RIPK1: variants seen among roughly 807,000 people sequenced by gnomAD.
RIPK1 encodes the protein receptor interacting serine/threonine kinase 1, also known as receptor-interacting serine/threonine-protein kinase 1.
In RIPK1, 27 loss-of-function variants were observed where a neutral mutation model predicts 62.4. That is an observed-to-expected ratio of 0.43 (90% confidence interval 0.32 to 0.60). The LOEUF (loss-of-function observed/expected upper bound fraction) is 0.60, where lower values mean the gene tolerates loss of function less well. Among genes scored for constraint, RIPK1 ranks in the 20% least tolerant of loss-of-function variants. RIPK1 has a pLI of 0.07. For synonymous variants in RIPK1, 287 were observed against 303.2 expected, an observed-to-expected ratio of 0.95 and a Z score of 0.55; for missense variants, 735 against 831.0, an observed-to-expected ratio of 0.88 and a Z score of 1.42.
At chr6:3,069,527 C>T (rs545695264) in intron 1 of RIPK1, among the ~76,000 whole-genome samples, 2 of 152,282 alleles carry the variant, frequency 1.3e-5, no homozygotes, top group South Asian at 4.1e-4. Flanking sequence ...TTTGGCTCTC[C>T]CTTAATCAGA....
In RIPK1 at chr6:3,094,784, C is replaced by T. The variant is rs532068251; in HGVS notation, c.915+5127C>T. 1.8e-4 allele frequency among the ~76,000 whole-genome samples: 27 copies of T among 152,114 alleles called. No individual in the cohort carries two copies. In the South Asian group the frequency reaches 5.6e-3, roughly 32 times the overall value. On this transcript the variant is annotated intron_variant, in intron 7 of 10. Transcript: ENST00000259808. ...GGCTAATACAATAGACTAATTAAGA[C>T]TGATAGAGCCAGGTGTGAGGTAATC...
At chr6:3,074,826 C>T (rs774036415) in intron 1 of RIPK1, among the ~76,000 whole-genome samples, 10 of 152,084 alleles carry the variant, frequency 6.6e-5, no homozygotes, top group South Asian at 2.1e-4. Flanking sequence ...GGATTAGAGG[C>T]GCGTGCCACC....
rs59069498 is a variant in RIPK1, at chr6:3,072,404, T to TAA, written c.-61+3746_-61+3747dup. ...TTATCTATTTACATATATATATATA[T>TAA]AAAACACACACAAATGTGAATATAA... On this transcript the variant is annotated intron_variant, in intron 1 of 10. Transcript: ENST00000259808. This position sits in a 1 kb window ranked among gnomAD's most constrained non-coding sequence, Gnocchi z 5.6. Among the ~76,000 whole-genome samples the TAA allele has an allele frequency of 3.4e-5, 5 of 145,816 alleles. No individual in the cohort carries two copies. The highest frequency in any genetic ancestry group is 1.3e-4 in the African/African-American group (5 of 39,980).
rs571306996 is a variant in RIPK1 at position 3,073,153 on chromosome 6, CAT to C, written c.-60-3609_-60-3608del. Among the ~76,000 whole-genome samples, 261 of 151,832 alleles carry C rather than the reference CAT, an allele frequency of 1.7e-3. 1 individual carries two copies. Among genetic ancestry groups the C allele is most frequent in the Non-Finnish European group, 2.9e-3 (195 of 67,974 alleles). On this transcript the variant is annotated intron_variant, in intron 1 of 10. Transcript: ENST00000259808. ...AAATATATACATATACGTATATACACATAGACAAATATAGCTATATATCTACA... is the reference window on the plus strand; with the variant it reads ...AAATATATACATATACGTATATACACAGACAAATATAGCTATATATCTACA...
chr6:3,085,814 G>A (rs982576946), intron 6 of RIPK1, among the ~76,000 whole-genome samples: 4 of 20,678 alleles, frequency 1.9e-4, no homozygotes, highest in African/African-American at 3.6e-4. Flanking sequence ...TGCACTGGGT[G>A]CCTTATATAT....
chr6:3,081,146 G>T, intron 4 of RIPK1, 30 bp downstream of exon 4: 7 of 1,606,258 alleles, frequency 4.4e-6, no homozygotes, highest in Non-Finnish European at 6.0e-6. Context: ...CTTCCAGAAA[G>T]TTGGGTGATT....
chr6:3,089,169 A>C (rs1759880059), intron 6 of RIPK1, among the ~76,000 whole-genome samples: 2 of 152,196 alleles, frequency 1.3e-5, no homozygotes, highest in African/African-American at 4.8e-5. Context: ...TTTTCTTTTA[A>C]GGCTAACAGC....
intron 1 of RIPK1, among the ~76,000 whole-genome samples, chr6:3,071,651 G>A (rs1018409240): frequency 5.9e-5 from 9 of 152,122 alleles, no homozygotes; most frequent in African/African-American, 1.9e-4. Flanking sequence ...AAGAGGGGTG[G>A]ATAGGAAAAA....
At chr6:3,070,636 C>T (rs548234598) in intron 1 of RIPK1, among the ~76,000 whole-genome samples, 1 of 151,898 alleles carries the variant, frequency 6.6e-6, no homozygotes, top group Admixed American at 6.5e-5. Flanking sequence ...CAGGGCTTCA[C>T]CACGTTGGCC....
At chr6:3,070,577 G>A (rs962657208) in intron 1 of RIPK1, among the ~76,000 whole-genome samples, 5 of 152,116 alleles carry the variant, frequency 3.3e-5, no homozygotes, top group African/African-American at 1.2e-4. Flanking sequence ...AGCTGGGATT[G>A]TAGGCATGCA....
intron 1 of RIPK1, among the ~76,000 whole-genome samples, chr6:3,070,515 G>A (rs1436483537): frequency 1.3e-5 from 2 of 152,200 alleles, no homozygotes; most frequent in Non-Finnish European, 2.9e-5. Flanking sequence ...GCGGCTTAAT[G>A]TAACCTTCGC....
At chr6:3,099,547 AAAAC>A (rs1370622871) in intron 7 of RIPK1, among the ~76,000 whole-genome samples, 2 of 152,380 alleles carry the variant, frequency 1.3e-5, no homozygotes, top group Admixed American at 6.5e-5. Flanking sequence ...CCGTCTCAAA[AAAAC>A]AAACAAAAAA....
intron 9 of RIPK1, 140 bp downstream of exon 9, chr6:3,106,191 G>A (rs1760842501): frequency 4.5e-6 from 3 of 668,528 alleles, no homozygotes; most frequent in South Asian, 3.9e-5. Flanking sequence ...TTGCCCCTGT[G>A]GAATGGACCC....
chr6:3,113,179 A>G lies in RIPK1; in HGVS notation c.1856A>G (p.Tyr619Cys). Residue 619 changes from tyrosine to cysteine, a missense_variant, in exon 11 of 11, where the codon TAT becomes TGT. Physicochemically the swap from Tyr to Cys is radical, Grantham distance 194. Transcript: ENST00000259808. This position sits in a 1 kb window ranked among gnomAD's most constrained non-coding sequence, Gnocchi z 5.0. ...CAGATTGATGAAATTGACCATGACT[A>G]TGAGCGAGATGGACTGAAAGAAAAG... Reference protein sequence around the residue: ...QSQIDEIDHDYERDGLKEKVY... With the variant: ...QSQIDEIDHDCERDGLKEKVY... 6.2e-7 allele frequency: 1 copy of G among 1,614,024 alleles called. No homozygotes were observed. Among genetic ancestry groups the G allele is most frequent in the Non-Finnish European group, 8.5e-7 (1 of 1,179,960 alleles).
chr6:3,075,118 C>T (rs933141039), intron 1 of RIPK1, among the ~76,000 whole-genome samples: 1 of 152,322 alleles, frequency 6.6e-6, no homozygotes, highest in East Asian at 1.9e-4. Context: ...TGTTTTGCCA[C>T]GAAGCTTTTT....
In RIPK1 at chr6:3,094,406, T is replaced by C. The variant is rs570499875; in HGVS notation, c.915+4749T>C. Among the ~76,000 whole-genome samples, 11 of 152,316 alleles carry C rather than the reference T, an allele frequency of 7.2e-5. No homozygotes were observed. The South Asian group carries it at 1.0e-3, about 14-fold the overall frequency. On this transcript the variant is annotated intron_variant, in intron 7 of 10. Transcript: ENST00000259808. Reference sequence around the variant, plus strand: ...TTAAAAAGGTAATTGGAAAATCTTATGTGGTTAGAAGTAACGAAATATACT... The same window carrying C: ...TTAAAAAGGTAATTGGAAAATCTTACGTGGTTAGAAGTAACGAAATATACT...
At chr6:3,101,672 T>G (rs554617194) in intron 7 of RIPK1, among the ~76,000 whole-genome samples, 44 of 152,308 alleles carry the variant, frequency 2.9e-4, no homozygotes, top group African/African-American at 1.1e-3. Flanking sequence ...TGTTAACATT[T>G]TATCTTTGGG....
At position 3,105,029 on chromosome 6, in the gene RIPK1, T is replaced by G. The variant is rs927265273; in HGVS notation, c.1007-453T>G. On this transcript the variant is annotated intron_variant, in intron 8 of 10. Transcript: ENST00000259808. This position sits in a 1 kb window ranked among gnomAD's most constrained non-coding sequence, Gnocchi z 4.5. ...ACCATGCCCGGCTAATTTTTGTATT[T>G]TCAGTAGAGATGGGGTTTCGCCATG... Among the ~76,000 whole-genome samples, 2 of 152,160 alleles carry G rather than the reference T, an allele frequency of 1.3e-5. No individual in the cohort carries two copies. Among genetic ancestry groups the G allele is most frequent in the African/African-American group, 4.8e-5 (2 of 41,424 alleles).
In RIPK1 at chr6:3,113,425, C is replaced by A; in HGVS notation, c.*86C>A. 1 of 1,280,652 alleles carries A rather than the reference C, an allele frequency of 7.8e-7. No homozygotes were observed. The highest frequency in any genetic ancestry group is 1.1e-6 in the Non-Finnish European group (1 of 928,062). 79.3% of individuals were successfully genotyped at this position (1,280,652 alleles called of 1,614,324 possible). On this transcript the variant is annotated 3_prime_UTR_variant, in exon 11 of 11. Transcript: ENST00000259808. This position sits in a 1 kb window ranked among gnomAD's most constrained non-coding sequence, Gnocchi z 5.0. ...TGGCTGCCTCAGAGCATTCAGAATTCTGTCCTCACTGATAGGGGTTCTGTG... is the reference window on the plus strand; with the variant it reads ...TGGCTGCCTCAGAGCATTCAGAATTATGTCCTCACTGATAGGGGTTCTGTG...
Sources: allele counts gnomAD v4.1 joint callset (sites outside exome capture counted in the v4.1 genomes callset), GRCh38; gene constraint gnomAD v4.1.1; non-coding constraint Gnocchi (gnomAD v3.1); transcripts MANE v1.5; gene names NCBI Gene and HGNC (gene_info 2026-07-23, HGNC 2026-07-21).